Variants in MCF2L2 observed in about 807,000 individuals in gnomAD.
The protein encoded by MCF2L2 is probable guanine nucleotide exchange factor MCF2L2.
Under a neutral mutation model 150.2 loss-of-function variants are expected in MCF2L2, and 102 were observed. The observed-to-expected ratio is 0.68, with a 90% confidence interval of 0.58 to 0.80. The LOEUF (loss-of-function observed/expected upper bound fraction) is 0.80, where lower values mean the gene tolerates loss of function less well. Among genes scored for constraint, MCF2L2 ranks in the 30% least tolerant of loss-of-function variants. MCF2L2 has a pLI of 0.00. For missense variants in MCF2L2, 1,256 were observed against 1,372.8 expected (o/e 0.91, Z 1.34); for synonymous variants, 465 against 491.3 (o/e 0.95, Z 0.71).
At chr3:183,263,013 A>G (rs1020102883) in intron 15 of MCF2L2, among the ~76,000 whole-genome samples, 6 of 151,834 alleles carry the variant, frequency 4.0e-5, no homozygotes, top group African/African-American at 1.5e-4. Context: ...GTGAGGAAGA[A>G]AGGTCAGGAG....
At chr3:183,405,308 T>C (rs1183453704) in intron 1 of MCF2L2, among the ~76,000 whole-genome samples, 4 of 152,224 alleles carry the variant, frequency 2.6e-5, no homozygotes, top group Non-Finnish European at 2.9e-5. Flanking sequence ...TGTATTATTT[T>C]TTCTGTATTG....
In MCF2L2 at chr3:183,428,039, G is replaced by A. The variant is rs1016612352; in HGVS notation, c.-62C>T. On this transcript the variant is annotated 5_prime_UTR_variant, in exon 1 of 30. Coordinates refer to ENST00000328913, the MANE Select transcript of MCF2L2 (RefSeq NM_015078.4). This position sits in a 1 kb window ranked among gnomAD's most constrained non-coding sequence, Gnocchi z 5.1. ...CAAAACTGTTTCTACCGCTGCGGTG[G>A]ATGATTTTTTAAAGGCATCTCCGCC... is the stretch of plus-strand genomic sequence containing the variant. 1.3e-5 allele frequency: 17 copies of A among 1,328,842 alleles called. No homozygotes were observed. In the Middle Eastern group the frequency reaches 5.4e-4, roughly 43 times the overall value. 82.3% of individuals were successfully genotyped at this position (1,328,842 alleles called of 1,614,324 possible).
intron 3 of MCF2L2, among the ~76,000 whole-genome samples, chr3:183,358,259 C>T (rs988482156): frequency 7.9e-5 from 12 of 151,892 alleles, no homozygotes; most frequent in Admixed American, 2.6e-4. Flanking sequence ...CACCATTGCA[C>T]GCCAGCCTGG....
chr3:183,385,689 G>C (rs1238415500), intron 2 of MCF2L2, among the ~76,000 whole-genome samples: 1 of 152,220 alleles, frequency 6.6e-6, no homozygotes, highest in African/African-American at 2.4e-5. Context: ...AAGGAAAGGA[G>C]CTGTGGCAAA....
chr3:183,379,638 C>G (rs1713402017), intron 2 of MCF2L2, among the ~76,000 whole-genome samples: 1 of 152,114 alleles, frequency 6.6e-6, no homozygotes, highest in African/African-American at 2.4e-5. Context: ...AAGAGAGTTA[C>G]TGTGTAAAAG....
At chr3:183,269,743 G>A (rs532387011) in intron 15 of MCF2L2, 21 of 1,496,208 alleles carry the variant, frequency 1.4e-5, no homozygotes, top group South Asian at 9.3e-5. Context: ...CTATGGTCTC[G>A]AAGAAGCCCG....
In MCF2L2 at chr3:183,230,862, C is replaced by G. The variant is rs529096796; in HGVS notation, c.1929+89G>C. 22 of 987,418 alleles carry G rather than the reference C, an allele frequency of 2.2e-5. No homozygotes were observed. In the African/African-American group the frequency reaches 3.1e-4, roughly 14 times the overall value. 61.2% of individuals were successfully genotyped at this position (987,418 alleles called of 1,614,324 possible). A position where few individuals can be genotyped will look rare whatever the true frequency, so the allele number is the denominator to read the frequency against. On this transcript the variant is annotated intron_variant, in intron 16 of 29. Transcript: ENST00000328913. ...GAAACCTTGGTGGGAATTCTGGAGA[C>G]TTCTGGCAACTATTTTGAGTCTCTT...
chr3:183,357,391 T>C (rs149977656), intron 3 of MCF2L2, among the ~76,000 whole-genome samples: 68 of 152,220 alleles, frequency 4.5e-4, no homozygotes, highest in African/African-American at 1.6e-3. Context: ...GAGATAAAAC[T>C]ACTCACAGGA....
intron 18 of MCF2L2, chr3:183,224,883 C>T (rs13066057): frequency 0.3 from 46,238 of 152,252 alleles, 7,921 homozygotes; most frequent in Middle Eastern, 0.44. Context: ...GTATCAAAGA[C>T]GCTGAGAGGT....
intron 14 of MCF2L2, among the ~76,000 whole-genome samples, chr3:183,284,986 T>C (rs1260017117): frequency 2.6e-5 from 4 of 152,224 alleles, no homozygotes; most frequent in African/African-American, 9.6e-5. Flanking sequence ...ATAGTTTTCT[T>C]GTTGAGAATC....
At chr3:183,216,569 T>C (rs1722931301) in intron 21 of MCF2L2, among the ~76,000 whole-genome samples, 1 of 6,080 alleles carries the variant, frequency 1.6e-4, no homozygotes, top group Admixed American at 3.6e-3. Context: ...TATATATATA[T>C]ATATATATAT....
intron 7 of MCF2L2, 95 bp from the exon 8 acceptor site, chr3:183,311,867 C>A: frequency 8.8e-7 from 1 of 1,139,446 alleles, no homozygotes; most frequent in South Asian, 1.6e-5. Flanking sequence ...GTACATTTTT[C>A]ATTTAGGAAA....
intron 15 of MCF2L2, chr3:183,254,250 G>A (rs952709992): frequency 1.3e-5 from 2 of 151,968 alleles, no homozygotes; most frequent in African/African-American, 4.8e-5. Context: ...ACGCGCGCTT[G>A]GGCCGGGGGC....
intron 3 of MCF2L2, among the ~76,000 whole-genome samples, chr3:183,369,579 A>G (rs1452107928): frequency 1.3e-5 from 2 of 152,094 alleles, no homozygotes; most frequent in Non-Finnish European, 1.5e-5. Flanking sequence ...AGCTTACTGA[A>G]GTATATTTGG....
chr3:183,332,633 A>G (rs1243197601), intron 5 of MCF2L2, among the ~76,000 whole-genome samples: 1 of 152,154 alleles, frequency 6.6e-6, no homozygotes, highest in Non-Finnish European at 1.5e-5. Flanking sequence ...TCCAACTCCA[A>G]ACGTTTTTGA....
intron 2 of MCF2L2, among the ~76,000 whole-genome samples, chr3:183,381,506 C>T (rs4859178): frequency 0.72 from 108,885 of 152,098 alleles, 39,434 homozygotes; most frequent in Admixed American, 0.78. Context: ...AAATTGTAAA[C>T]TTGTTTCAAG....
At chr3:183,384,560 C>G (rs1713722583) in intron 2 of MCF2L2, among the ~76,000 whole-genome samples, 1 of 151,922 alleles carries the variant, frequency 6.6e-6, no homozygotes, top group African/African-American at 2.4e-5. Context: ...ACTGACTAAG[C>G]ACAAGAAGAC....
intron 27 of MCF2L2, among the ~76,000 whole-genome samples, chr3:183,192,428 C>T (rs1013943984): frequency 2.6e-5 from 4 of 152,220 alleles, no homozygotes; most frequent in African/African-American, 9.6e-5. Flanking sequence ...CGTGAGCCAC[C>T]GTGCTTGGCC....
intron 15 of MCF2L2, among the ~76,000 whole-genome samples, chr3:183,233,318 C>T: frequency 6.6e-6 from 1 of 151,358 alleles, no homozygotes; most frequent in East Asian, 1.9e-4. Flanking sequence ...CACCATTGCA[C>T]TCCAGCCTGG....
Sources: allele counts gnomAD v4.1 joint callset (sites outside exome capture counted in the v4.1 genomes callset), GRCh38; gene constraint gnomAD v4.1.1; non-coding constraint Gnocchi (gnomAD v3.1); transcripts MANE v1.5; gene names NCBI Gene and HGNC (gene_info 2026-07-23, HGNC 2026-07-21).